LRRC37A2: variants seen among roughly 807,000 people sequenced by gnomAD.
The protein encoded by LRRC37A2 is leucine-rich repeat-containing protein 37A2.
Under a neutral mutation model 68.8 loss-of-function variants are expected in LRRC37A2, and 9 were observed. The observed-to-expected ratio is 0.13, with a 90% CI of 0.08 to 0.23. LRRC37A2 has a LOEUF of 0.23. Among genes scored for constraint, LRRC37A2 ranks in the 10% least tolerant of loss-of-function variants. The pLI, the probability that LRRC37A2 is intolerant of heterozygous loss-of-function variation, is 1.00. For synonymous variants in LRRC37A2, 63 were observed against 367.6 expected, an observed-to-expected ratio of 0.17 and a Z score of 9.48; for missense variants, 168 against 950.4, an observed-to-expected ratio of 0.18 and a Z score of 10.82.
chr17:46,975,697 A>G, the LRRC37A2 span, among the ~76,000 whole-genome samples: 1 of 152,126 alleles, frequency 6.6e-6, no homozygotes, highest in Non-Finnish European at 1.5e-5. Context: ...ATACACTCAC[A>G]CCATGTGCCC....
the LRRC37A2 span, chr17:47,018,758 T>C: frequency 6.6e-7 from 1 of 1,521,058 alleles, no homozygotes; most frequent in South Asian, 1.1e-5. Flanking sequence ...CAGCTCAGAC[T>C]CCAGAGTTTC....
At chr17:46,901,422 A>G in the LRRC37A2 span, among the ~76,000 whole-genome samples, 260 of 152,236 alleles carry the variant, frequency 1.7e-3, 1 homozygote, top group African/African-American at 6.0e-3. Flanking sequence ...TCAGCCTCCC[A>G]AAGTGCTGGG....
chr17:47,019,844 C>T, the LRRC37A2 span: 27 of 1,167,672 alleles, frequency 2.3e-5, no homozygotes, highest in Non-Finnish European at 3.2e-5. Flanking sequence ...TCCTGCCTGA[C>T]ATGGCAGCCT....
the LRRC37A2 span, among the ~76,000 whole-genome samples, chr17:46,979,560 C>T: frequency 5.3e-5 from 8 of 152,174 alleles, no homozygotes; most frequent in African/African-American, 1.7e-4. Flanking sequence ...CCCTGACTCT[C>T]TTCGCTTATT....
At chr17:46,751,540 T>C in the LRRC37A2 span, 2 of 1,613,936 alleles carry the variant, frequency 1.2e-6, no homozygotes, top group South Asian at 1.1e-5. Flanking sequence ...CGCACCACAA[T>C]TGCACAGCAA....
the LRRC37A2 span, among the ~76,000 whole-genome samples, chr17:46,834,682 C>T: frequency 6.6e-6 from 1 of 152,148 alleles, no homozygotes; most frequent in Non-Finnish European, 1.5e-5. Flanking sequence ...TCCTCTGTCA[C>T]ACCCCTCCCC....
intron 13 of LRRC37A2, 25 bp downstream of exon 12, chr17:46,555,231 G>GGA: frequency 6.9e-7 from 1 of 1,449,382 alleles, no homozygotes; most frequent in South Asian, 1.2e-5. Flanking sequence ...TCATTGCTGT[G>GGA]GCCAGGGAAA....
the LRRC37A2 span, among the ~76,000 whole-genome samples, chr17:46,867,796 G>A: frequency 6.6e-6 from 1 of 152,102 alleles, no homozygotes; most frequent in Admixed American, 6.5e-5. Flanking sequence ...AAGCCCTGAG[G>A]GGCACCCTTG....
chr17:46,750,059 T>C, the LRRC37A2 span: 7 of 823,498 alleles, frequency 8.5e-6, no homozygotes, highest in Non-Finnish European at 1.3e-5. Flanking sequence ...TTATCCAAAA[T>C]GCCTGGGACT....
chr17:46,793,470 C>T, the LRRC37A2 span, among the ~76,000 whole-genome samples: 168 of 151,974 alleles, frequency 1.1e-3, no homozygotes, highest in African/African-American at 3.9e-3. Flanking sequence ...TTTTTTCTTT[C>T]GAATGTTGGT....
the LRRC37A2 span, among the ~76,000 whole-genome samples, chr17:46,782,796 A>G: frequency 4.1e-4 from 63 of 152,296 alleles, no homozygotes; most frequent in African/African-American, 1.5e-3. Context: ...TTGTGACAAA[A>G]CCAGAGAAAC....
the LRRC37A2 span, among the ~76,000 whole-genome samples, chr17:46,886,952 G>A: frequency 4.4e-4 from 67 of 152,174 alleles, no homozygotes; most frequent in South Asian, 1.2e-3. Context: ...GAGTAGCTGG[G>A]ATTACAGGCG....
At chr17:46,785,938 C>T in the LRRC37A2 span, among the ~76,000 whole-genome samples, 12 of 152,326 alleles carry the variant, frequency 7.9e-5, no homozygotes, top group East Asian at 7.7e-4. Context: ...CGCCTGCCTG[C>T]GGCTCTGGCT....
chr17:46,541,877 C>T (rs1216510987), intron 8 of LRRC37A2, among the ~76,000 whole-genome samples: 2 of 149,978 alleles, frequency 1.3e-5, no homozygotes, highest in Non-Finnish European at 2.9e-5. Context: ...GTCCTGGAGC[C>T]AATCCCCTGC....
At chr17:46,773,996 G>T in the LRRC37A2 span, 26 of 1,535,350 alleles carry the variant, frequency 1.7e-5, no homozygotes, top group South Asian at 3.0e-4. Context: ...AACCCTCCGG[G>T]GTAGGTGGAG....
the LRRC37A2 span, among the ~76,000 whole-genome samples, chr17:46,892,026 T>G: frequency 6.6e-6 from 1 of 151,358 alleles, no homozygotes; most frequent in East Asian, 1.9e-4. Flanking sequence ...TTCAAGTGAT[T>G]CTCCTGCCTC....
At chr17:46,724,359 A>G in the LRRC37A2 span, among the ~76,000 whole-genome samples, 1 of 152,240 alleles carries the variant, frequency 6.6e-6, no homozygotes, top group Admixed American at 6.5e-5. Flanking sequence ...TGGCTCAGAC[A>G]GTGAGTTCTG....
chr17:46,971,017 CT>C, the LRRC37A2 span, among the ~76,000 whole-genome samples: 21 of 152,098 alleles, frequency 1.4e-4, no homozygotes, highest in African/African-American at 4.3e-4. Context: ...CAACATTTTT[CT>C]TTTTTTTGTT....
chr17:46,671,889 AT>A, the LRRC37A2 span, among the ~76,000 whole-genome samples: 449 of 141,800 alleles, frequency 3.2e-3, 30 homozygotes, highest in East Asian at 0.024. Flanking sequence ...TTGCAAATGT[AT>A]TTTTTTTTTA....
Sources: allele counts gnomAD v4.1 joint callset (sites outside exome capture counted in the v4.1 genomes callset), GRCh38; gene constraint gnomAD v4.1.1; transcripts MANE v1.5; gene names NCBI Gene and HGNC (gene_info 2026-07-23, HGNC 2026-07-21).